Variants in SLK observed in about 807,000 individuals in gnomAD.
SLK encodes STE20-like serine/threonine-protein kinase.
A neutral mutation model predicts 147.7 loss-of-function variants in SLK; 67 were observed. The ratio of observed to expected loss-of-function variants is 0.45; its 90% CI spans 0.37 to 0.56. SLK has a LOEUF of 0.56. Ranked by LOEUF, SLK falls within the 20% of genes least tolerant of loss-of-function variation. The pLI, the probability that SLK is intolerant of heterozygous loss-of-function variation, is 0.00. For missense variants in SLK, 1,136 were observed against 1,438.8 expected (o/e 0.79, Z 3.41); for synonymous variants, 441 against 475.0 (o/e 0.93, Z 0.93).
chr10:103,968,036 T>C, intron 1 of SLK, 141 bp downstream of exon 1: 1 of 859,502 alleles, frequency 1.2e-6, no homozygotes. Context: ...ACTTGGCTGA[T>C]CATCCAAGGA....
At chr10:103,990,926 A>G (rs533215571) in intron 2 of SLK, 87 bp downstream of exon 2, 4 of 720,688 alleles carry the variant, frequency 5.6e-6, no homozygotes, top group Middle Eastern at 4.2e-4. Context: ...AACCTATTTT[A>G]TGTCTTATCT....
intron 1 of SLK, among the ~76,000 whole-genome samples, chr10:103,986,612 G>T (rs1287811856): frequency 6.6e-6 from 1 of 151,762 alleles, no homozygotes; most frequent in Non-Finnish European, 1.5e-5. Flanking sequence ...CTGGTTTGTG[G>T]CCCTGTGGTT....
intron 7 of SLK, among the ~76,000 whole-genome samples, chr10:104,000,973 C>T (rs573488853): frequency 4.3e-4 from 61 of 141,660 alleles, no homozygotes; most frequent in African/African-American, 1.3e-3. Context: ...GCAGGAGAAT[C>T]TCTTGAACCT....
At position 104,008,298 on chromosome 10, in the gene SLK, G is replaced by A; in HGVS notation, c.2726G>A (p.Gly909Glu). Residue 909 changes from glycine to glutamate, a missense_variant, in exon 12 of 19, where the codon GGA (glycine) becomes GAA (glutamate). Around this residue, in one of 6 missense-constraint regions of SLK, gnomAD observed 327 missense variants for 457.5 expected, o/e 0.71. Coordinates refer to ENST00000369755, the MANE Select transcript of SLK (RefSeq NM_014720.4). The part of the protein sequence containing the change: ...RLRDEAKRIK[G>E]EQEKELSKFQ... ...CGAGATGAAGCCAAACGCATCAAAG[G>A]AGAACAAGAGAAAGAGTTGTCCAAA... 6.2e-7 allele frequency: 1 copy of A among 1,613,822 alleles called. No homozygotes were observed. The highest frequency in any genetic ancestry group is 8.5e-7 in the Non-Finnish European group (1 of 1,179,878).
At chr10:104,020,652 C>G in intron 17 of SLK, 39 bp downstream of exon 17, 2 of 1,586,202 alleles carry the variant, frequency 1.3e-6, no homozygotes, top group Non-Finnish European at 8.6e-7. Flanking sequence ...CCATAGGATG[C>G]GGCAGCACAA....
At chr10:104,010,711 C>A in intron 12 of SLK, 105 bp from the exon 13 acceptor site, 1 of 656,456 alleles carries the variant, frequency 1.5e-6, no homozygotes, top group Non-Finnish European at 2.4e-6. Flanking sequence ...TTGAAAGGAA[C>A]TTTTTAACAA....
chr10:104,017,302 A>G (rs1289723214), intron 13 of SLK, among the ~76,000 whole-genome samples: 1 of 152,236 alleles, frequency 6.6e-6, no homozygotes, highest in Non-Finnish European at 1.5e-5. Context: ...CTAGCAATGC[A>G]TTCTCATTAA....
At position 104,008,308 on chromosome 10, in the gene SLK, G is replaced by T; in HGVS notation, c.2736G>T (p.Glu912Asp). ...DEAKRIKGEQ[E>D]KELSKFQNML... is the part of the protein sequence containing the mutation. ...CCAAACGCATCAAAGGAGAACAAGA[G>T]AAAGAGTTGTCCAAATTTCAGAATA... Residue 912 changes from glutamate (E) to aspartate (D), a missense_variant, in exon 12 of 19, where the codon GAG becomes GAT. Transcript: ENST00000369755. 6.2e-7 allele frequency: 1 copy of T among 1,613,372 alleles called. No individual in the cohort carries two copies. Among genetic ancestry groups the T allele is most frequent in the African/African-American group, 1.3e-5 (1 of 74,958 alleles).
chr10:104,006,853 C>T (rs1448109098), intron 11 of SLK, among the ~76,000 whole-genome samples: 1 of 152,070 alleles, frequency 6.6e-6, no homozygotes, highest in Non-Finnish European at 1.5e-5. Context: ...TTTTATAGTA[C>T]TTATATTGTT....
At position 103,999,955 on chromosome 10, in the gene SLK, G is replaced by C. The variant is rs368368209; in HGVS notation, c.864+7G>C. 7 of 1,311,056 alleles carry C rather than the reference G, an allele frequency of 5.3e-6. No homozygotes were observed. The highest frequency in any genetic ancestry group is 7.5e-6 in the Non-Finnish European group (7 of 930,942). 81.2% of individuals were successfully genotyped at this position (1,311,056 alleles called of 1,614,324 possible). A position where few individuals can be genotyped will look rare whatever the true frequency, so the allele number is the denominator to read the frequency against. On this transcript the variant is annotated splice_region_variant and intron_variant, in intron 7 of 18. Transcript: ENST00000369755. ...TACATCTCAGCTGCTGCAGGTAAGA[G>C]AGTATGACAACAGCAAATAATATAA...
At chr10:104,025,509 C>T in intron 18 of SLK, 65 bp from the exon 19 acceptor site, 1 of 1,469,394 alleles carries the variant, frequency 6.8e-7, no homozygotes, top group Non-Finnish European at 9.3e-7. Flanking sequence ...TTTATCTTGG[C>T]TGTCAGCATA....
chr10:103,972,541 AG>A (rs1409409769), intron 1 of SLK, among the ~76,000 whole-genome samples: 5 of 152,054 alleles, frequency 3.3e-5, no homozygotes, highest in Non-Finnish European at 5.9e-5. Context: ...GCGTGGTGGC[AG>A]GAGCCTGTAG....
intron 18 of SLK, among the ~76,000 whole-genome samples, chr10:104,024,866 G>A (rs1301068421): frequency 6.6e-6 from 1 of 152,114 alleles, no homozygotes; most frequent in Non-Finnish European, 1.5e-5. Context: ...CTCACAGGGC[G>A]GAATAACAAC....
At chr10:104,019,032 A>G (rs1844500707) in intron 15 of SLK, 124 bp downstream of exon 15, 2 of 934,298 alleles carry the variant, frequency 2.1e-6, no homozygotes, top group Non-Finnish European at 3.1e-6. Context: ...TTATCCTACA[A>G]TTTCTTGGAT....
intron 4 of SLK, among the ~76,000 whole-genome samples, chr10:103,995,534 C>T (rs1375628403): frequency 2.8e-5 from 4 of 143,648 alleles, no homozygotes; most frequent in Non-Finnish European, 6.0e-5. Context: ...TCAAGGGATT[C>T]TTGTGCCTCA....
At chr10:103,973,028 TA>T (rs1434893259) in intron 1 of SLK, among the ~76,000 whole-genome samples, 7 of 152,204 alleles carry the variant, frequency 4.6e-5, no homozygotes, top group African/African-American at 1.7e-4. Context: ...ATGAATTCTT[TA>T]ACATGGTCCA....
In SLK at chr10:104,019,729, C is replaced by G; in HGVS notation, c.3133-5C>G. The G allele has an allele frequency of 6.2e-7, 1 of 1,610,044 alleles. No individual in the cohort carries two copies. Among genetic ancestry groups the G allele is most frequent in the Non-Finnish European group, 8.5e-7 (1 of 1,176,778 alleles). Reference sequence around the variant, plus strand: ...GTCACTGGATTCTATTTAAAACTTTCATAGGAAACAGAGCAAATGCAGCGT... The same window carrying G: ...GTCACTGGATTCTATTTAAAACTTTGATAGGAAACAGAGCAAATGCAGCGT... On this transcript the variant is annotated splice_region_variant and splice_polypyrimidine_tract_variant and intron_variant, in intron 15 of 18. Transcript: ENST00000369755.
At chr10:103,976,725 A>G (rs1355567366) in intron 1 of SLK, among the ~76,000 whole-genome samples, 1 of 152,184 alleles carries the variant, frequency 6.6e-6, no homozygotes, top group Non-Finnish European at 1.5e-5. Flanking sequence ...ACCCCCCGAA[A>G]GTTCTCATGT....
chr10:103,967,947 C>T (rs1243831105), intron 1 of SLK, 52 bp downstream of exon 1: 1 of 1,583,790 alleles, frequency 6.3e-7, no homozygotes, highest in East Asian at 2.3e-5. Context: ...CAGCCACTGG[C>T]CTGGAGTGGC....
Sources: gnomAD v4.1 joint callset for allele counts (sites outside exome capture counted in the v4.1 genomes callset) on GRCh38, gnomAD v4.1.1 for gene constraint, gnomAD v4.1.1 regional missense constraint, MANE v1.5 for transcripts, NCBI Gene and HGNC (gene_info 2026-07-23, HGNC 2026-07-21) for gene names.